Variants in PPP1R21 observed in about 807,000 individuals in gnomAD.
PPP1R21 encodes the protein protein phosphatase 1 regulatory subunit 21.
PPP1R21 carries 85 observed loss-of-function variants against 112.8 expected under a neutral mutation model. That is an observed-to-expected ratio of 0.75 (90% confidence interval 0.63 to 0.90). The LOEUF is 0.90. PPP1R21 is among the 40% of genes least tolerant of loss of function. The pLI, the probability that PPP1R21 is intolerant of heterozygous loss-of-function variation, is 0.00. For missense variants in PPP1R21, 1,199 were observed against 901.5 expected (o/e 1.33, Z -4.23); for synonymous variants, 381 against 322.3 (o/e 1.18, Z -1.95).
chr2:48,458,687 G>A (rs947670529), intron 4 of PPP1R21, among the ~76,000 whole-genome samples: 1 of 150,214 alleles, frequency 6.7e-6, no homozygotes, highest in Non-Finnish European at 1.5e-5. Context: ...TATGAACCAT[G>A]TATGTTTCCT....
At position 48,465,394 on chromosome 2, in the gene PPP1R21, C is replaced by G. The variant is rs557729247; in HGVS notation, c.748-99C>G. ...ATGAATTTAAAGTAAGGAATAATCA[C>G]ACTAGGATTCAAATGTTTTCTCCAG... On this transcript the variant is annotated intron_variant, in intron 8 of 21. Coordinates refer to ENST00000294952, the MANE Select transcript of PPP1R21 (RefSeq NM_001135629.3). The G allele has an allele frequency of 3.7e-6, 4 of 1,076,618 alleles. No homozygotes were observed. The African/African-American group carries it at 6.4e-5, about 17-fold the overall frequency. 66.7% of individuals were successfully genotyped at this position (1,076,618 alleles called of 1,614,324 possible).
chr2:48,473,099 A>G (rs1284349922), intron 11 of PPP1R21, among the ~76,000 whole-genome samples: 1 of 150,880 alleles, frequency 6.6e-6, no homozygotes, highest in African/African-American at 2.4e-5. Context: ...CAATTTTATT[A>G]TTAAAAAAAT....
At chr2:48,462,192 T>G (rs1399486010) in intron 7 of PPP1R21, among the ~76,000 whole-genome samples, 1 of 152,228 alleles carries the variant, frequency 6.6e-6, no homozygotes, top group East Asian at 1.9e-4. Flanking sequence ...TCACCCTGTT[T>G]TAGGTCCCTT....
At chr2:48,465,471 C>T in intron 8 of PPP1R21, 22 bp from the exon 9 acceptor site, 1 of 1,597,244 alleles carries the variant, frequency 6.3e-7, no homozygotes, top group Admixed American at 1.8e-5. Context: ...TTGACCTTAA[C>T]TATATATTTT....
chr2:48,475,431 C>T, intron 12 of PPP1R21, among the ~76,000 whole-genome samples: 1 of 152,180 alleles, frequency 6.6e-6, no homozygotes, highest in East Asian at 1.9e-4. Context: ...CTTTCCCTTC[C>T]TTCCTGTTTT....
chr2:48,493,250 C>T (rs1016445294), intron 15 of PPP1R21, among the ~76,000 whole-genome samples: 4 of 152,116 alleles, frequency 2.6e-5, no homozygotes, highest in African/African-American at 9.7e-5. Context: ...CCTGATCCAC[C>T]TGCCTCGGCC....
chr2:48,465,623 T>C lies in PPP1R21; in HGVS notation c.878T>C (p.Ile293Thr). Reference sequence around the variant, plus strand: ...CCTGTTGATTCTGCCATTGACACTATATCTCCATTGAATCAGAAGGTAAAT... The same window carrying C: ...CCTGTTGATTCTGCCATTGACACTACATCTCCATTGAATCAGAAGGTAAAT... ...IFPVDSAIDT[I>T]SPLNQKFSQY... Residue 293 changes from isoleucine to threonine, a missense_variant, in exon 9 of 22, where the codon ATA becomes ACA. Coordinates refer to ENST00000294952, the MANE Select transcript of PPP1R21 (RefSeq NM_001135629.3). The C allele has an allele frequency of 6.2e-7, 1 of 1,612,238 alleles. No individual in the cohort carries two copies. The highest frequency in any genetic ancestry group is 8.5e-7 in the Non-Finnish European group (1 of 1,179,504).
intron 7 of PPP1R21, among the ~76,000 whole-genome samples, chr2:48,462,183 C>A (rs1157152553): frequency 6.6e-6 from 1 of 152,134 alleles, no homozygotes; most frequent in Non-Finnish European, 1.5e-5. Context: ...TACTAGTTGT[C>A]ACCCTGTTTT....
At chr2:48,461,087 T>TCA (rs1221619748) in intron 6 of PPP1R21, 51 bp from the exon 7 acceptor site, 1 of 1,542,860 alleles carries the variant, frequency 6.5e-7, no homozygotes, top group Non-Finnish European at 8.7e-7. Context: ...AAATGAGGAT[T>TCA]CACTCAGTGA....
intron 17 of PPP1R21, among the ~76,000 whole-genome samples, chr2:48,501,263 A>G (rs1397522343): frequency 1.3e-5 from 2 of 152,286 alleles, no homozygotes; most frequent in Non-Finnish European, 2.9e-5. Context: ...GTCTGTCTCA[A>G]ATGATGGGGT....
chr2:48,457,379 T>G (rs1667774854), intron 3 of PPP1R21, among the ~76,000 whole-genome samples: 1 of 152,182 alleles, frequency 6.6e-6, no homozygotes, highest in African/African-American at 2.4e-5. Flanking sequence ...GTGAGTTCAT[T>G]TTAAGTGAGA....
At position 48,465,597 on chromosome 2, in the gene PPP1R21, T is replaced by C; in HGVS notation, c.852T>C (p.Phe284=). Residue 284 remains phenylalanine (F), a synonymous_variant, in exon 9 of 22, where the codon TTT becomes TTC. Transcript: ENST00000294952. ...ACACAGAACAGAGGATTCAAATTTT[T>C]CCTGTTGATTCTGCCATTGACACTA... ...HTYTEQRIQI[F]PVDSAIDTIS... is the part of the protein sequence containing the mutation. 6.2e-7 allele frequency: 1 copy of C among 1,613,774 alleles called. No individual in the cohort carries two copies. Among genetic ancestry groups the C allele is most frequent in the Middle Eastern group, 1.6e-4 (1 of 6,062 alleles).
chr2:48,499,498 G>A (rs374600384), intron 17 of PPP1R21, among the ~76,000 whole-genome samples: 2 of 152,192 alleles, frequency 1.3e-5, no homozygotes, highest in Non-Finnish European at 2.9e-5. Context: ...TGAGGTGGGT[G>A]AATCACTTGA....
Position 48,510,096 on chromosome 2 carries a change from A to T in PPP1R21, c.2167A>T (p.Asn723Tyr), listed in dbSNP as rs1385093754. 5.6e-6 allele frequency: 9 copies of T among 1,613,756 alleles called. No individual in the cohort carries two copies. Among genetic ancestry groups the T allele is most frequent in the Non-Finnish European group, 7.6e-6 (9 of 1,179,786 alleles). The part of the protein sequence containing the change: ...LTEEMKLASQ[N>Y]ISRLQDELTT... Reference sequence around the variant, plus strand: ...AGAAGAAATGAAACTTGCCAGTCAGAACATCAGCAGACTTCAGGTGAGTTA... The same window carrying T: ...AGAAGAAATGAAACTTGCCAGTCAGTACATCAGCAGACTTCAGGTGAGTTA... Residue 723 changes from asparagine to tyrosine, a missense_variant, in exon 20 of 22, where the codon AAC becomes TAC. Physicochemically the swap from Asn to Tyr is moderately radical, Grantham distance 143. Transcript: ENST00000294952.
At chr2:48,505,688 G>C in intron 18 of PPP1R21, 92 bp downstream of exon 18, 1 of 1,089,188 alleles carries the variant, frequency 9.2e-7, no homozygotes, top group Non-Finnish European at 1.4e-6. Flanking sequence ...TTGTCTAATT[G>C]TTGTTGTTGT....
chr2:48,468,829 ATGTGTGTGTGTGTG>A (rs113373775), intron 9 of PPP1R21, among the ~76,000 whole-genome samples: 21 of 146,428 alleles, frequency 1.4e-4, no homozygotes, highest in Non-Finnish European at 3.0e-4. Context: ...AAAAAAATGT[ATGTGTGTGTGTGTG>A]TGTGTGTGTG....
rs760624387 is a variant in PPP1R21 at position 48,514,819 on chromosome 2, G to A, written c.*75G>A. 2.9e-5 allele frequency: 43 copies of A among 1,483,520 alleles called. No homozygotes were observed. The highest frequency in any genetic ancestry group is 4.5e-5 in the East Asian group (2 of 44,232). 91.9% of individuals were successfully genotyped at this position (1,483,520 alleles called of 1,614,324 possible). A position where few individuals can be genotyped will look rare whatever the true frequency, so the allele number is the denominator to read the frequency against. On this transcript the variant is annotated 3_prime_UTR_variant, in exon 22 of 22. Coordinates refer to ENST00000294952, the MANE Select transcript of PPP1R21 (RefSeq NM_001135629.3). ...CACAGAGCCGCAGGGCTGAGACCAC[G>A]TCCATGCTGGCTGCCTTCAGGAAGC...
chr2:48,493,537 A>G (rs1332300066), intron 15 of PPP1R21, among the ~76,000 whole-genome samples: 1 of 152,116 alleles, frequency 6.6e-6, no homozygotes, highest in Non-Finnish European at 1.5e-5. Context: ...TTCTTCCAGC[A>G]TTTTTACAGT....
At chr2:48,492,864 C>T (rs1017229385) in intron 15 of PPP1R21, among the ~76,000 whole-genome samples, 3 of 152,084 alleles carry the variant, frequency 2.0e-5, no homozygotes, top group Non-Finnish European at 4.4e-5. Context: ...GAATTTAACC[C>T]ATGCATTTAA....
Sources: gnomAD v4.1 joint callset for allele counts (sites outside exome capture counted in the v4.1 genomes callset) on GRCh38, gnomAD v4.1.1 for gene constraint, MANE v1.5 for transcripts, NCBI Gene and HGNC (gene_info 2026-07-23, HGNC 2026-07-21) for gene names.